Variants in GLT1D1 observed in about 807,000 individuals in gnomAD.
GLT1D1 encodes glycosyltransferase 1 domain containing 1.
GLT1D1 carries 21 observed loss-of-function variants against 28.7 expected under a neutral mutation model. The ratio of observed to expected loss-of-function variants is 0.73; its 90% confidence interval spans 0.52 to 1.05. The LOEUF (loss-of-function observed/expected upper bound fraction) is 1.05, where lower values mean the gene tolerates loss of function less well. GLT1D1 is among the 50% of genes least tolerant of loss of function. The probability of loss-of-function intolerance (pLI) is 0.00; values close to 1 mark genes in which losing one functional copy is unlikely to be tolerated. For missense variants in GLT1D1, 343 were observed against 330.6 expected (o/e 1.04, Z -0.29); for synonymous variants, 147 against 124.8 (o/e 1.18, Z -1.19).
intron 6 of GLT1D1, among the ~76,000 whole-genome samples, chr12:128,948,687 C>T (rs1876380456): frequency 6.6e-6 from 1 of 151,380 alleles, no homozygotes; most frequent in African/African-American, 2.4e-5. Flanking sequence ...ATCCATGTAT[C>T]CCCTTGGATA....
Position 128,870,111 on chromosome 12 carries a change from A to G in GLT1D1, c.69-5803A>G, listed in dbSNP as rs560329885. ...TTTTTAGTAGAGACGGGGTTTCACCATGTTGGCCAGGCTGGTCTCAAACTC... is the reference window on the plus strand; with the variant it reads ...TTTTTAGTAGAGACGGGGTTTCACCGTGTTGGCCAGGCTGGTCTCAAACTC... On this transcript the variant is annotated intron_variant, in intron 1 of 7. Transcript: ENST00000281703. 9.2e-5 allele frequency among the ~76,000 whole-genome samples: 14 copies of G among 152,036 alleles called. No homozygotes were observed. In the East Asian group the frequency reaches 2.3e-3, roughly 25 times the overall value.
At chr12:128,924,439 A>G (rs1216618171) in intron 4 of GLT1D1, among the ~76,000 whole-genome samples, 18 of 146,298 alleles carry the variant, frequency 1.2e-4, no homozygotes, top group Admixed American at 9.6e-4. Context: ...AAAAAAAAAG[A>G]AAAAAAAAGA....
At chr12:128,902,619 T>C (rs1870407611) in intron 4 of GLT1D1, among the ~76,000 whole-genome samples, 1 of 151,708 alleles carries the variant, frequency 6.6e-6, no homozygotes, top group African/African-American at 2.4e-5. Context: ...ATTAAAATAC[T>C]CTTTCTTTTC....
At chr12:128,904,128 T>G (rs1870591344) in intron 4 of GLT1D1, among the ~76,000 whole-genome samples, 1 of 151,764 alleles carries the variant, frequency 6.6e-6, no homozygotes, top group Non-Finnish European at 1.5e-5. Context: ...GTTCCTCAAT[T>G]CTTATTTACT....
chr12:128,945,165 C>T (rs939467951), intron 4 of GLT1D1, 161 bp from the exon 9 acceptor site: 30 of 776,030 alleles, frequency 3.9e-5, no homozygotes, highest in Non-Finnish European at 5.5e-5. Context: ...AGCCGGGGGC[C>T]CCCATGATCA....
intron 3 of GLT1D1, among the ~76,000 whole-genome samples, chr12:128,893,860 C>A (rs895412703): frequency 3.9e-5 from 6 of 152,170 alleles, no homozygotes; most frequent in Non-Finnish European, 8.8e-5. Context: ...GTTGGGATTA[C>A]AGGTGTGAGC....
At chr12:128,928,788 T>C (rs1463652638) in intron 4 of GLT1D1, among the ~76,000 whole-genome samples, 4 of 151,936 alleles carry the variant, frequency 2.6e-5, no homozygotes, top group African/African-American at 9.7e-5. Context: ...ACCTGGCTAA[T>C]TTTTGTATTT....
chr12:128,952,430 G>C (rs1030339975), intron 6 of GLT1D1, among the ~76,000 whole-genome samples: 1 of 76,810 alleles, frequency 1.3e-5, no homozygotes, highest in Non-Finnish European at 2.6e-5. Context: ...GTGTAGGGTG[G>C]GGGTGGGGGG....
chr12:128,936,198 A>G lies in GLT1D1; in HGVS notation c.376-9128A>G, dbSNP rs1370665144. Reference sequence around the variant, plus strand: ...GAGACGGAGTCTCACTCTGTTGCCCAGGCTGGAGTGCAGTGGCCTGATCTC... The same window carrying G: ...GAGACGGAGTCTCACTCTGTTGCCCGGGCTGGAGTGCAGTGGCCTGATCTC... On this transcript the variant is annotated intron_variant, in intron 4 of 7. Coordinates refer to ENST00000281703, the MANE Select transcript of GLT1D1 (RefSeq NM_144669.3). 3.5e-5 allele frequency among the ~76,000 whole-genome samples: 5 copies of G among 141,238 alleles called. No individual in the cohort carries two copies. In the East Asian group the frequency reaches 8.2e-4, roughly 23 times the overall value. 92.7% of individuals were successfully genotyped at this position (141,238 alleles called of 152,430 possible). A position where few individuals can be genotyped will look rare whatever the true frequency, so the allele number is the denominator to read the frequency against.
At chr12:128,925,810 C>T (rs1008373559) in intron 4 of GLT1D1, among the ~76,000 whole-genome samples, 24 of 152,140 alleles carry the variant, frequency 1.6e-4, no homozygotes, top group Non-Finnish European at 3.1e-4. Context: ...TTTTTCTTTG[C>T]AGCAAAAGTT....
chr12:128,863,513 C>T (rs1399638381), intron 1 of GLT1D1, among the ~76,000 whole-genome samples: 1 of 152,098 alleles, frequency 6.6e-6, no homozygotes, highest in African/African-American at 2.4e-5. Context: ...GCTGGGATTA[C>T]AGGCATGTGC....
intron 3 of GLT1D1, among the ~76,000 whole-genome samples, chr12:128,897,532 T>C (rs1869780488): frequency 6.6e-6 from 1 of 152,108 alleles, no homozygotes; most frequent in Admixed American, 6.5e-5. Context: ...TTCTCTTATA[T>C]CATTCCAGAC....
intron 4 of GLT1D1, among the ~76,000 whole-genome samples, chr12:128,900,676 C>G (rs1409026288): frequency 6.6e-6 from 1 of 150,874 alleles, no homozygotes; most frequent in Admixed American, 6.6e-5. Context: ...CACTCTGTCA[C>G]CCAGGCTAGA....
intron 4 of GLT1D1, among the ~76,000 whole-genome samples, chr12:128,915,853 C>T (rs1443555787): frequency 6.6e-6 from 1 of 152,082 alleles, no homozygotes; most frequent in Non-Finnish European, 1.5e-5. Context: ...TGAACTCATC[C>T]TTTTTTTAAA....
intron 7 of GLT1D1, among the ~76,000 whole-genome samples, chr12:128,963,899 A>G (rs1371904364): frequency 1.3e-5 from 2 of 152,238 alleles, no homozygotes; most frequent in African/African-American, 2.4e-5. Context: ...TCATCGGCCC[A>G]TCATGAGCGA....
intron 7 of GLT1D1, among the ~76,000 whole-genome samples, chr12:128,962,494 G>A (rs1878067185): frequency 6.6e-6 from 1 of 152,184 alleles, no homozygotes; most frequent in Non-Finnish European, 1.5e-5. Context: ...GTAGAACACA[G>A]TGTGGCCTGT....
At chr12:128,931,301 A>T (rs1013802204) in intron 4 of GLT1D1, among the ~76,000 whole-genome samples, 1 of 125,958 alleles carries the variant, frequency 7.9e-6, no homozygotes, top group South Asian at 2.5e-4. Flanking sequence ...GCACCTGGCC[A>T]CTTTTTAATT....
chr12:128,911,260 T>C (rs766354390), intron 4 of GLT1D1, among the ~76,000 whole-genome samples: 22 of 152,216 alleles, frequency 1.4e-4, no homozygotes, highest in Admixed American at 3.9e-4. Flanking sequence ...GGATGCTGCC[T>C]CTACCAAACC....
Position 128,945,201 on chromosome 12 carries a change from C to T in GLT1D1, c.376-125C>T, listed in dbSNP as rs899510273. 5.1e-5 allele frequency: 48 copies of T among 946,682 alleles called. No homozygotes were observed. The Middle Eastern group carries it at 1.3e-3, about 25-fold the overall frequency. The allele number at this position is 946,682 out of a possible 1,614,324, so 58.6% of individuals were successfully genotyped here. A position where few individuals can be genotyped will look rare whatever the true frequency, so the allele number is the denominator to read the frequency against. ...CCACACGCAGCAGCCGCGAGGACAC[C>T]CCCGTGGCCGCAGACCGAGGCCCAC... On this transcript the variant is annotated intron_variant, in intron 4 of 7. Coordinates refer to ENST00000281703, the MANE Select transcript of GLT1D1 (RefSeq NM_144669.3).
Sources: gnomAD v4.1 joint callset for allele counts (sites outside exome capture counted in the v4.1 genomes callset) on GRCh38, gnomAD v4.1.1 for gene constraint, MANE v1.5 for transcripts, NCBI Gene and HGNC (gene_info 2026-07-23, HGNC 2026-07-21) for gene names.